AUTS2: variants seen among roughly 807,000 people sequenced by gnomAD.
AUTS2 encodes the protein activator of transcription and developmental regulator AUTS2.
A neutral mutation model predicts 112.4 loss-of-function variants in AUTS2; 17 were observed. The ratio of observed to expected loss-of-function variants is 0.15; its 90% CI spans 0.10 to 0.23. The LOEUF is 0.23. Ranked by LOEUF, AUTS2 falls within the 10% of genes least tolerant of loss-of-function variation. The pLI is 1.00. For synonymous variants in AUTS2, 751 were observed against 702.7 expected (o/e 1.07, Z -1.09); for missense variants, 1,510 against 1,701.6 (o/e 0.89, Z 1.98).
intron 1 of AUTS2, among the ~76,000 whole-genome samples, chr7:69,805,865 A>G (rs766660687): frequency 6.6e-6 from 1 of 152,048 alleles, no homozygotes; most frequent in Non-Finnish European, 1.5e-5. Flanking sequence ...TCTCACACCA[A>G]GGTCCCTTTT....
chr7:70,396,729 C>T (rs558621280), intron 4 of AUTS2, among the ~76,000 whole-genome samples: 9 of 152,254 alleles, frequency 5.9e-5, no homozygotes, highest in South Asian at 2.1e-4. Context: ...TTCTTTCTTT[C>T]GCTGAGTAGT....
intron 2 of AUTS2, among the ~76,000 whole-genome samples, chr7:70,063,270 T>C (rs1410886701): frequency 6.6e-6 from 1 of 152,000 alleles, no homozygotes; most frequent in African/African-American, 2.4e-5. Context: ...TGTTTTTTTT[T>C]TTTTCCTTCA....
At chr7:70,153,857 T>C (rs1356732930) in intron 4 of AUTS2, among the ~76,000 whole-genome samples, 3 of 152,212 alleles carry the variant, frequency 2.0e-5, no homozygotes, top group African/African-American at 7.2e-5. Context: ...TGTCCTGTTT[T>C]ATAGAATTAC....
intron 4 of AUTS2, among the ~76,000 whole-genome samples, chr7:70,141,623 A>G (rs960962031): frequency 3.3e-5 from 5 of 152,146 alleles, no homozygotes; most frequent in African/African-American, 1.2e-4. Flanking sequence ...CCTCCTAGTA[A>G]CAAAACCAGA....
intron 4 of AUTS2, among the ~76,000 whole-genome samples, chr7:70,193,552 G>A (rs757138638): frequency 1.4e-4 from 21 of 152,316 alleles, no homozygotes; most frequent in African/African-American, 4.8e-4. Flanking sequence ...CATGAGCAAT[G>A]TGGCAGATGT....
chr7:69,946,185 A>G (rs1232286992), intron 2 of AUTS2, among the ~76,000 whole-genome samples: 3 of 152,168 alleles, frequency 2.0e-5, no homozygotes, highest in Non-Finnish European at 4.4e-5. Flanking sequence ...AAATGAGATC[A>G]TACAGTGTTT....
intron 4 of AUTS2, among the ~76,000 whole-genome samples, chr7:70,402,464 T>G (rs1191962961): frequency 6.6e-6 from 1 of 152,190 alleles, no homozygotes; most frequent in African/African-American, 2.4e-5. Context: ...GTATTTTGTC[T>G]TAGAAGTATC....
chr7:70,564,969 T>C (rs765170825), intron 5 of AUTS2, among the ~76,000 whole-genome samples: 17 of 151,796 alleles, frequency 1.1e-4, no homozygotes, highest in Non-Finnish European at 2.4e-4. Context: ...GTGGTGGTGC[T>C]CGCCTGTAGT....
intron 2 of AUTS2, among the ~76,000 whole-genome samples, chr7:69,905,173 T>TA (rs1203088900): frequency 6.6e-6 from 1 of 152,220 alleles, no homozygotes; most frequent in Non-Finnish European, 1.5e-5. Context: ...ATAGTGAGCA[T>TA]AAACATCACT....
chr7:70,663,891 G>A (rs901753632), intron 5 of AUTS2, among the ~76,000 whole-genome samples: 3 of 152,156 alleles, frequency 2.0e-5, no homozygotes, highest in African/African-American at 7.2e-5. Flanking sequence ...CCACATCTCA[G>A]AATGAGTGTA....
chr7:70,586,139 A>G (rs1161808991), intron 5 of AUTS2, among the ~76,000 whole-genome samples: 2 of 152,190 alleles, frequency 1.3e-5, no homozygotes, highest in Non-Finnish European at 2.9e-5. Context: ...CTGGGATTAC[A>G]GGCATGAGCG....
chr7:70,528,985 A>G (rs897619373), intron 5 of AUTS2, among the ~76,000 whole-genome samples: 1 of 152,154 alleles, frequency 6.6e-6, no homozygotes, highest in Non-Finnish European at 1.5e-5. Context: ...TTCATAAACT[A>G]TGGCCATGTA....
chr7:70,708,698 G>T (rs1261019030), intron 6 of AUTS2, among the ~76,000 whole-genome samples: 1 of 152,058 alleles, frequency 6.6e-6, no homozygotes, highest in Non-Finnish European at 1.5e-5. Flanking sequence ...GCAGAATTAT[G>T]TCTCGCATTT....
chr7:69,650,462 T>C (rs1320193173), intron 1 of AUTS2, among the ~76,000 whole-genome samples: 1 of 152,192 alleles, frequency 6.6e-6, no homozygotes, highest in Non-Finnish European at 1.5e-5. Flanking sequence ...CTGGCCACTG[T>C]AAAGTACTCT....
chr7:70,621,122 C>T (rs1015256579), intron 5 of AUTS2, among the ~76,000 whole-genome samples: 2 of 152,236 alleles, frequency 1.3e-5, no homozygotes, highest in Non-Finnish European at 1.5e-5. Context: ...AGTCCACATA[C>T]ATCTCTTCTT....
At chr7:69,986,553 G>A (rs1299249764) in intron 2 of AUTS2, among the ~76,000 whole-genome samples, 1 of 152,122 alleles carries the variant, frequency 6.6e-6, no homozygotes, top group African/African-American at 2.4e-5. Context: ...TACTGCTCTT[G>A]GCCAAAGGCC....
At chr7:70,605,780 A>G (rs1803728016) in intron 5 of AUTS2, among the ~76,000 whole-genome samples, 1 of 152,194 alleles carries the variant, frequency 6.6e-6, no homozygotes, top group Admixed American at 6.5e-5. Flanking sequence ...GAATACACAC[A>G]GACCAGAGTA....
chr7:70,725,856 C>T (rs1786994530), intron 6 of AUTS2, among the ~76,000 whole-genome samples: 1 of 151,844 alleles, frequency 6.6e-6, no homozygotes, highest in African/African-American at 2.4e-5. Flanking sequence ...AGGTGGATCA[C>T]CTGAGGTCAG....
At chr7:70,317,717 C>G (rs924216630) in intron 4 of AUTS2, among the ~76,000 whole-genome samples, 7 of 152,164 alleles carry the variant, frequency 4.6e-5, no homozygotes, top group Admixed American at 4.6e-4. Flanking sequence ...TGGCACATTG[C>G]CTGACTTAAA....
Sources: gnomAD v4.1 joint callset for allele counts (sites outside exome capture counted in the v4.1 genomes callset) on GRCh38, gnomAD v4.1.1 for gene constraint, MANE v1.5 for transcripts, NCBI Gene and HGNC (gene_info 2026-07-23, HGNC 2026-07-21) for gene names.